The following TRUB1 variants were observed in gnomAD, a reference collection of about 807,000 sequenced individuals.
TRUB1 encodes pseudouridylate synthase TRUB1.
A neutral mutation model predicts 33.9 loss-of-function variants in TRUB1; 23 were observed. The observed-to-expected ratio is 0.68, with a 90% CI of 0.49 to 0.96. The LOEUF is 0.96. Among genes scored for constraint, TRUB1 ranks in the 40% least tolerant of loss-of-function variants. TRUB1 has a pLI of 0.00. For synonymous variants in TRUB1, 163 were observed against 165.4 expected, an observed-to-expected ratio of 0.99 and a Z score of 0.11; for missense variants, 378 against 422.2, an observed-to-expected ratio of 0.90 and a Z score of 0.92.
intron 1 of TRUB1, among the ~76,000 whole-genome samples, 178 bp downstream of exon 1, chr10:114,938,717 A>G (rs2084171648): frequency 6.6e-6 from 1 of 152,158 alleles, no homozygotes; most frequent in Non-Finnish European, 1.5e-5. Flanking sequence ...CCTGGCACGA[A>G]CTCTTGTAGC....
intron 1 of TRUB1, among the ~76,000 whole-genome samples, chr10:114,942,308 CTCTA>C (rs2084191502): frequency 6.6e-6 from 1 of 152,108 alleles, no homozygotes; most frequent in Admixed American, 6.5e-5. Context: ...TTTCATGATT[CTCTA>C]TCTAACAGCC....
chr10:114,972,050 T>C, intron 5 of TRUB1, 85 bp from the exon 6 acceptor site: 1 of 1,483,730 alleles, frequency 6.7e-7, no homozygotes, highest in Non-Finnish European at 9.2e-7. Flanking sequence ...ATGCTAAATC[T>C]GAAATTATCA....
rs1484438657 is a variant in TRUB1, at chr10:114,975,604, A to AT, written c.*231dup. On this transcript the variant is annotated 3_prime_UTR_variant, in exon 8 of 8. Coordinates refer to ENST00000298746, the MANE Select transcript of TRUB1 (RefSeq NM_139169.5). ...TTGTTGTGTTGTGAAATGTTTTAGG[A>AT]TTTTTTGTATTGTGAAAATATGAAT... 6 of 353,764 alleles carry AT rather than the reference A, an allele frequency of 1.7e-5. No homozygotes were observed. The highest frequency in any genetic ancestry group is 4.4e-5 in the Admixed American group (1 of 22,910). 21.9% of individuals were successfully genotyped at this position (353,764 alleles called of 1,614,324 possible).
chr10:114,957,113 C>G (rs897973118), intron 3 of TRUB1, among the ~76,000 whole-genome samples: 1 of 152,154 alleles, frequency 6.6e-6, no homozygotes, highest in Non-Finnish European at 1.5e-5. Context: ...CTGTCAGCAA[C>G]TTTTTATTAA....
chr10:114,971,300 A>G (rs1310079492), intron 5 of TRUB1, among the ~76,000 whole-genome samples: 1 of 152,166 alleles, frequency 6.6e-6, no homozygotes, highest in Non-Finnish European at 1.5e-5. Context: ...TCATAATACC[A>G]TGTAGCCATA....
At chr10:114,942,467 T>G (rs755421187) in intron 1 of TRUB1, among the ~76,000 whole-genome samples, 178 bp from the exon 2 acceptor site, 4 of 152,228 alleles carry the variant, frequency 2.6e-5, no homozygotes, top group African/African-American at 7.2e-5. Context: ...ATTTAGGGAA[T>G]GTCCATTTTA....
intron 3 of TRUB1, among the ~76,000 whole-genome samples, chr10:114,953,436 T>A (rs1168997269): frequency 6.6e-6 from 1 of 152,206 alleles, no homozygotes; most frequent in Admixed American, 6.5e-5. Flanking sequence ...TTGAAGATTA[T>A]TTTTTAATAA....
chr10:114,947,307 C>T (rs2084215435), intron 2 of TRUB1, among the ~76,000 whole-genome samples: 1 of 151,828 alleles, frequency 6.6e-6, no homozygotes, highest in Non-Finnish European at 1.5e-5. Context: ...CTTCTCACCT[C>T]CCCAACTATG....
At chr10:114,959,534 G>C (rs775787385) in intron 3 of TRUB1, among the ~76,000 whole-genome samples, 192 bp from the exon 4 acceptor site, 1 of 152,140 alleles carries the variant, frequency 6.6e-6, no homozygotes, top group East Asian at 1.9e-4. Flanking sequence ...AGTGTGAGAC[G>C]TTTGTTAATG....
intron 1 of TRUB1, 80 bp from the exon 2 acceptor site, chr10:114,942,565 C>T (rs2084192778): frequency 4.4e-6 from 4 of 900,732 alleles, no homozygotes; most frequent in South Asian, 4.4e-5. Context: ...AAATGCCATC[C>T]CCTTTTCCTC....
chr10:114,961,621 A>C (rs2084285550), intron 4 of TRUB1, among the ~76,000 whole-genome samples: 1 of 152,198 alleles, frequency 6.6e-6, no homozygotes, highest in Non-Finnish European at 1.5e-5. Context: ...AATCATAGAG[A>C]AACTAAGAAC....
rs377402974 is a variant in TRUB1 at position 114,938,224 on chromosome 10, C to A, written c.-30C>A. ...TTGTTGCATCATCAGCGTGCACCTC[C>A]ACGATGAAACAGGTCTGGGCTACAA... On this transcript the variant is annotated 5_prime_UTR_variant, in exon 1 of 8. Transcript: ENST00000298746. The A allele has an allele frequency of 1.9e-5, 30 of 1,606,304 alleles. No homozygotes were observed. The African/African-American group carries it at 2.4e-4, about 13-fold the overall frequency.
rs1329402605 is a variant in TRUB1 at position 114,977,502 on chromosome 10, G to A, written c.*2123G>A. ...CTTTATGACTTATGTTTGCCTTATT[G>A]CATTCCCAAAGAGTTGTAACATTTT... On this transcript the variant is annotated 3_prime_UTR_variant, in exon 8 of 8. Coordinates refer to ENST00000298746, the MANE Select transcript of TRUB1 (RefSeq NM_139169.5). 1 of 151,928 alleles carries A rather than the reference G, an allele frequency of 6.6e-6. No individual in the cohort carries two copies. The highest frequency in any genetic ancestry group is 1.9e-4 in the East Asian group (1 of 5,196). The allele number at this position is 151,928 out of a possible 1,614,324, so 9.4% of individuals were successfully genotyped here.
intron 3 of TRUB1, among the ~76,000 whole-genome samples, chr10:114,954,304 T>C (rs1373073967): frequency 6.6e-6 from 1 of 152,196 alleles, no homozygotes; most frequent in African/African-American, 2.4e-5. Flanking sequence ...CCCTAGCCAG[T>C]CGTAATTGGA....
chr10:114,943,328 G>A (rs149293469), intron 2 of TRUB1, among the ~76,000 whole-genome samples: 3,725 of 152,176 alleles, frequency 0.024, 62 homozygotes, highest in Non-Finnish European at 0.035. Flanking sequence ...TCAGGAATTC[G>A]AGACGAGCCT....
At chr10:114,945,964 CT>C (rs2084209460) in intron 2 of TRUB1, among the ~76,000 whole-genome samples, 2 of 152,136 alleles carry the variant, frequency 1.3e-5, no homozygotes, top group South Asian at 4.1e-4. Flanking sequence ...ATTAATTTTT[CT>C]TTTAATGCAT....
At chr10:114,964,317 T>C (rs559731882) in intron 4 of TRUB1, among the ~76,000 whole-genome samples, 2 of 131,876 alleles carry the variant, frequency 1.5e-5, no homozygotes, top group South Asian at 4.2e-4. Context: ...ACCCATTTTT[T>C]GTTTTTTCTT....
intron 3 of TRUB1, among the ~76,000 whole-genome samples, chr10:114,954,992 C>A (rs1320345831): frequency 6.6e-6 from 1 of 151,676 alleles, no homozygotes; most frequent in Non-Finnish European, 1.5e-5. Flanking sequence ...CATGCCAGTT[C>A]TTTAAGGGAG....
At chr10:114,968,197 G>A (rs1198995143) in intron 4 of TRUB1, among the ~76,000 whole-genome samples, 1 of 152,144 alleles carries the variant, frequency 6.6e-6, no homozygotes, top group African/African-American at 2.4e-5. Context: ...ACGAATGCTT[G>A]ACATGTTCAG....
Sources: gnomAD v4.1 joint callset for allele counts (sites outside exome capture counted in the v4.1 genomes callset) on GRCh38, gnomAD v4.1.1 for gene constraint, MANE v1.5 for transcripts, NCBI Gene and HGNC (gene_info 2026-07-23, HGNC 2026-07-21) for gene names.